Variants in MARCHF1 observed in about 807,000 individuals in gnomAD.
The protein encoded by MARCHF1 is membrane associated ring-CH-type finger 1.
Under a neutral mutation model 54.2 loss-of-function variants are expected in MARCHF1, and 40 were observed. That is an observed-to-expected ratio of 0.74 (90% CI 0.57 to 0.96). The LOEUF (loss-of-function observed/expected upper bound fraction) is 0.96. MARCHF1 is among the 40% of genes least tolerant of loss of function. MARCHF1 has a pLI of 0.00. For synonymous variants in MARCHF1, 236 were observed against 236.3 expected (o/e 1.00, Z 0.01); for missense variants, 586 against 656.5 (o/e 0.89, Z 1.17).
intron 3 of MARCHF1, among the ~76,000 whole-genome samples, chr4:163,970,265 A>C (rs1752523154): frequency 6.6e-6 from 1 of 152,228 alleles, no homozygotes; most frequent in South Asian, 2.1e-4. Flanking sequence ...TCTGACTGAA[A>C]ACAGGGACCC....
chr4:164,158,606 A>G (rs539946266), intron 1 of MARCHF1, among the ~76,000 whole-genome samples: 11 of 152,278 alleles, frequency 7.2e-5, no homozygotes, highest in African/African-American at 2.6e-4. Context: ...ATGCCACTGC[A>G]CTCCAGGCTG....
At chr4:163,787,288 G>C (rs1603037) in intron 4 of MARCHF1, among the ~76,000 whole-genome samples, 118 of 151,360 alleles carry the variant, frequency 7.8e-4, no homozygotes, top group African/African-American at 2.6e-3. Context: ...AAAGTGAAAA[G>C]GCAATGTAAA....
chr4:164,100,395 T>C (rs1427548087), intron 2 of MARCHF1, among the ~76,000 whole-genome samples: 1 of 152,218 alleles, frequency 6.6e-6, no homozygotes, highest in Non-Finnish European at 1.5e-5. Context: ...AACTTTTAGA[T>C]AGCCTTTTAG....
intron 1 of MARCHF1, among the ~76,000 whole-genome samples, chr4:164,140,593 G>C (rs898777490): frequency 6.6e-6 from 1 of 152,052 alleles, no homozygotes; most frequent in Non-Finnish European, 1.5e-5. Flanking sequence ...CCTAATTGTA[G>C]TCAGTCAGAG....
intron 1 of MARCHF1, among the ~76,000 whole-genome samples, chr4:164,241,758 C>A (rs1201850397): frequency 2.0e-5 from 3 of 152,136 alleles, no homozygotes; most frequent in African/African-American, 7.2e-5. Context: ...GGGCACAGGT[C>A]AGTGGGTGCG....
At chr4:163,787,524 T>C (rs1222125568) in intron 4 of MARCHF1, among the ~76,000 whole-genome samples, 2 of 151,662 alleles carry the variant, frequency 1.3e-5, no homozygotes, top group East Asian at 3.9e-4. Flanking sequence ...CACGGTGACA[T>C]ATTATCTCAT....
intron 1 of MARCHF1, among the ~76,000 whole-genome samples, chr4:164,138,295 CCTGCGT>C (rs1756445175): frequency 6.6e-6 from 1 of 150,964 alleles, no homozygotes; most frequent in Admixed American, 6.6e-5. Context: ...CACTTCTAAG[CCTGCGT>C]CAGCTTATTC....
chr4:163,630,803 G>T (rs1742048652), intron 5 of MARCHF1, among the ~76,000 whole-genome samples: 1 of 150,640 alleles, frequency 6.6e-6, no homozygotes, highest in Non-Finnish European at 1.5e-5. Context: ...GAAATGAAGA[G>T]AAAGATGAAT....
intron 2 of MARCHF1, among the ~76,000 whole-genome samples, chr4:164,070,143 T>C (rs1026060501): frequency 1.3e-5 from 2 of 152,180 alleles, no homozygotes; most frequent in South Asian, 2.1e-4. Context: ...AGGGTGTTGA[T>C]TGAAAAACTA....
chr4:163,581,207 G>A (rs918436859), intron 8 of MARCHF1, among the ~76,000 whole-genome samples: 6 of 152,204 alleles, frequency 3.9e-5, no homozygotes, highest in Non-Finnish European at 7.3e-5. Flanking sequence ...TTTGAGTTGT[G>A]TGATATTGAA....
intron 2 of MARCHF1, among the ~76,000 whole-genome samples, chr4:164,050,275 CAAAAAAAAAAA>C (rs34642436): frequency 1.0e-4 from 4 of 40,164 alleles, no homozygotes; most frequent in Non-Finnish European, 1.3e-4. Context: ...ACACTGTCTC[CAAAAAAAAAAA>C]AAAAAAAAAA....
At chr4:164,315,254 A>T (rs1230184862) in intron 1 of MARCHF1, among the ~76,000 whole-genome samples, 1 of 149,908 alleles carries the variant, frequency 6.7e-6, no homozygotes, top group South Asian at 2.2e-4. Context: ...AAAAAAAAGA[A>T]TTCCACAGAC....
In MARCHF1 at chr4:163,528,877, T is replaced by G; in HGVS notation, c.1509A>C (p.Lys503Asn). 6.2e-7 allele frequency: 1 copy of G among 1,613,346 alleles called. No homozygotes were observed. Among genetic ancestry groups the G allele is most frequent in the South Asian group, 1.1e-5 (1 of 91,070 alleles). ...CATTACATGAGAAGTTCTTCTCCAG[T>G]TTTTTGGCAGTGTCTGGGCAATTTT... ...FVQNCPDTAKKLEKNFSCNVN... is the reference protein window; with the variant it reads ...FVQNCPDTAKNLEKNFSCNVN... Residue 503 changes from lysine to asparagine, a missense_variant, in exon 10 of 10, where the codon AAA (lysine) becomes AAC (asparagine). Around this residue, in one of 3 missense-constraint regions of MARCHF1, gnomAD observed 106 missense variants for 93.8 expected, o/e 1.13. Transcript: ENST00000514618.
intron 1 of MARCHF1, among the ~76,000 whole-genome samples, chr4:164,371,291 T>C (rs1213236828): frequency 6.6e-6 from 1 of 152,166 alleles, no homozygotes; most frequent in African/African-American, 2.4e-5. Flanking sequence ...ATGCTAAACA[T>C]GTTAAAGCTT....
intron 2 of MARCHF1, among the ~76,000 whole-genome samples, chr4:164,043,278 G>A (rs1036675984): frequency 6.6e-6 from 1 of 152,156 alleles, no homozygotes; most frequent in African/African-American, 2.4e-5. Context: ...TGGACATCCA[G>A]GCATTTCCAT....
chr4:164,190,016 T>C (rs1471222715), intron 1 of MARCHF1: 1 of 1,427,546 alleles, frequency 7.0e-7, no homozygotes, highest in African/African-American at 1.4e-5. Context: ...CTGAGAAGTT[T>C]GCTGAGGAAG....
intron 1 of MARCHF1, among the ~76,000 whole-genome samples, chr4:164,343,394 A>G (rs1561010240): frequency 6.6e-6 from 1 of 152,194 alleles, no homozygotes; most frequent in Non-Finnish European, 1.5e-5. Context: ...GCAGGGTAAA[A>G]GAAACTGTCA....
intron 1 of MARCHF1, among the ~76,000 whole-genome samples, chr4:164,128,773 A>G (rs2110807151): frequency 6.6e-6 from 1 of 152,258 alleles, no homozygotes; most frequent in South Asian, 2.1e-4. Flanking sequence ...TAACATGAAC[A>G]ATCTGCTATA....
chr4:164,141,458 T>A (rs1029680005), intron 1 of MARCHF1, among the ~76,000 whole-genome samples: 2 of 152,200 alleles, frequency 1.3e-5, no homozygotes, highest in African/African-American at 4.8e-5. Flanking sequence ...TCATTTCTAC[T>A]AAAATTAACA....
Sources: allele counts gnomAD v4.1 joint callset (sites outside exome capture counted in the v4.1 genomes callset), GRCh38; gene constraint gnomAD v4.1.1; regional missense constraint gnomAD v4.1.1; transcripts MANE v1.5; gene names NCBI Gene and HGNC (gene_info 2026-07-23, HGNC 2026-07-21).